DIAPH3: variants seen among roughly 807,000 people sequenced by gnomAD.
DIAPH3 encodes protein diaphanous homolog 3.
A neutral mutation model predicts 144.3 loss-of-function variants in DIAPH3; 117 were observed. The observed-to-expected ratio is 0.81, with a 90% CI of 0.70 to 0.95. DIAPH3 has a LOEUF of 0.95. DIAPH3 is among the 40% of genes least tolerant of loss of function. The pLI, the probability that DIAPH3 is intolerant of heterozygous loss-of-function variation, is 0.00. For missense variants in DIAPH3, 1,421 were observed against 1,412.7 expected (o/e 1.01, Z -0.09); for synonymous variants, 519 against 488.9 (o/e 1.06, Z -0.81).
intron 2 of DIAPH3, among the ~76,000 whole-genome samples, chr13:60,124,334 T>G (rs560095026): frequency 2.0e-5 from 3 of 152,322 alleles, no homozygotes; most frequent in Middle Eastern, 3.4e-3. Flanking sequence ...AGGCAGCAGT[T>G]GTTCTGAGAT....
chr13:59,921,274 C>CAA lies in DIAPH3; in HGVS notation c.2170+3499_2170+3500dup, dbSNP rs778984590. On this transcript the variant is annotated intron_variant, in intron 18 of 27. Transcript: ENST00000400324. ...AAATGAAATGGAGACCAGAAAATAC[C>CAA]AAAAAAAAAAAAGAAAGAAAAAACA... Among the ~76,000 whole-genome samples the CAA allele has an allele frequency of 4.5e-3, 536 of 119,028 alleles. 3 individuals are homozygous for CAA. Among genetic ancestry groups the CAA allele is most frequent in the African/African-American group, 0.015 (478 of 32,790 alleles). The allele number at this position is 119,028 out of a possible 152,430, so 78.1% of individuals were successfully genotyped here.
chr13:59,731,494 CA>C (rs1257779613), intron 27 of DIAPH3, among the ~76,000 whole-genome samples: 1 of 151,996 alleles, frequency 6.6e-6, no homozygotes, highest in Non-Finnish European at 1.5e-5. Flanking sequence ...AATAGCACAA[CA>C]AAAAAGAATG....
At chr13:59,950,914 C>A (rs951318300) in intron 17 of DIAPH3, among the ~76,000 whole-genome samples, 3 of 151,960 alleles carry the variant, frequency 2.0e-5, no homozygotes, top group Non-Finnish European at 4.4e-5. Flanking sequence ...AATTTAAATT[C>A]TACGATGAAA....
chr13:59,800,576 C>T (rs1456879273), intron 25 of DIAPH3, among the ~76,000 whole-genome samples: 4 of 152,154 alleles, frequency 2.6e-5, no homozygotes, highest in Non-Finnish European at 5.9e-5. Context: ...TGCTCAATCT[C>T]GGCAGATATC....
chr13:59,766,683 A>C (rs529806560), intron 27 of DIAPH3, among the ~76,000 whole-genome samples: 1 of 152,310 alleles, frequency 6.6e-6, no homozygotes, highest in South Asian at 2.1e-4. Flanking sequence ...AAGACAGTAA[A>C]GCCTTTGTCA....
At chr13:59,772,094 A>C (rs1444185738) in intron 27 of DIAPH3, among the ~76,000 whole-genome samples, 1 of 152,072 alleles carries the variant, frequency 6.6e-6, no homozygotes, top group Non-Finnish European at 1.5e-5. Flanking sequence ...CATTTCAATC[A>C]CATAGTTCAG....
At chr13:60,109,776 A>T (rs2058517466) in intron 3 of DIAPH3, among the ~76,000 whole-genome samples, 1 of 152,236 alleles carries the variant, frequency 6.6e-6, no homozygotes, top group Admixed American at 6.5e-5. Flanking sequence ...CTTGTTCAAA[A>T]AACACTACTT....
intron 25 of DIAPH3, among the ~76,000 whole-genome samples, chr13:59,775,531 T>C (rs1004214658): frequency 6.6e-6 from 1 of 152,208 alleles, no homozygotes; most frequent in Non-Finnish European, 1.5e-5. Context: ...CGTGAGCCAC[T>C]GCACACGGCC....
intron 2 of DIAPH3, among the ~76,000 whole-genome samples, chr13:60,121,857 A>T (rs2058853992): frequency 6.6e-6 from 1 of 152,170 alleles, no homozygotes; most frequent in Non-Finnish European, 1.5e-5. Flanking sequence ...ATAAAGACAT[A>T]AACCAAAGCA....
intron 24 of DIAPH3, among the ~76,000 whole-genome samples, chr13:59,829,735 T>A (rs550146692): frequency 6.6e-5 from 10 of 151,760 alleles, no homozygotes; most frequent in Non-Finnish European, 7.4e-5. Flanking sequence ...GAACAGAGAT[T>A]AGAGGGATGA....
chr13:59,949,317 C>A (rs953581191), intron 17 of DIAPH3, among the ~76,000 whole-genome samples: 1 of 152,094 alleles, frequency 6.6e-6, no homozygotes, highest in Non-Finnish European at 1.5e-5. Context: ...CAATGGCCTC[C>A]CATGAATTTT....
intron 20 of DIAPH3, among the ~76,000 whole-genome samples, chr13:59,897,345 A>G (rs2140154647): frequency 6.6e-6 from 1 of 152,376 alleles, no homozygotes; most frequent in African/African-American, 2.4e-5. Flanking sequence ...CACAAAGAGA[A>G]TAACTCTACG....
At position 60,130,265 on chromosome 13, in the gene DIAPH3, G is replaced by C. The variant is rs183004389; in HGVS notation, c.213+2692C>G. ...CCATGCTTATTCTCAAATCTCTACA[G>C]CAACAGATACAGATGCCTAAACTAG... is the stretch of plus-strand genomic sequence containing the variant. On this transcript the variant is annotated intron_variant, in intron 2 of 27. Transcript: ENST00000400324. Among the ~76,000 whole-genome samples, 38 of 152,270 alleles carry C rather than the reference G, an allele frequency of 2.5e-4. 1 individual carries two copies. Among genetic ancestry groups the C allele is most frequent in the Middle Eastern group, 3.4e-3 (1 of 294 alleles).
chr13:59,874,519 T>C (rs1183613950), intron 21 of DIAPH3, among the ~76,000 whole-genome samples: 1 of 152,156 alleles, frequency 6.6e-6, no homozygotes, highest in Admixed American at 6.6e-5. Context: ...TAATTTTGCC[T>C]GCCACCCCCT....
At chr13:60,111,613 T>A (rs2058569919) in intron 3 of DIAPH3, among the ~76,000 whole-genome samples, 1 of 152,172 alleles carries the variant, frequency 6.6e-6, no homozygotes, top group Non-Finnish European at 1.5e-5. Flanking sequence ...ATCTAACTAA[T>A]GCCTGATGAT....
chr13:59,774,960 T>C, intron 25 of DIAPH3, 137 bp from the exon 26 acceptor site: 3 of 720,920 alleles, frequency 4.2e-6, no homozygotes, highest in Non-Finnish European at 7.4e-6. Context: ...AATTTCAAAA[T>C]AGGACAGGAC....
intron 20 of DIAPH3, among the ~76,000 whole-genome samples, chr13:59,907,600 G>A (rs970577378): frequency 2.6e-5 from 4 of 152,192 alleles, no homozygotes; most frequent in South Asian, 2.1e-4. Context: ...GCCAACTTAC[G>A]ACCACATGTT....
In DIAPH3 at chr13:59,983,904, G is replaced by C; in HGVS notation, c.1362-17C>G. On this transcript the variant is annotated splice_polypyrimidine_tract_variant and intron_variant, in intron 12 of 27. Transcript: ENST00000400324. ...TATTGTTGCCTAAAACCAAAGAAAA[G>C]AGTAAATGTACAATTGATAATTAGT... is the stretch of plus-strand genomic sequence containing the variant. 10 of 1,494,546 alleles carry C rather than the reference G, an allele frequency of 6.7e-6. No individual in the cohort carries two copies. Among genetic ancestry groups the C allele is most frequent in the Non-Finnish European group, 9.3e-6 (10 of 1,073,266 alleles). The allele number at this position is 1,494,546 out of a possible 1,614,324, so 92.6% of individuals were successfully genotyped here.
chr13:59,883,544 C>T (rs188952861), intron 20 of DIAPH3, among the ~76,000 whole-genome samples: 95 of 152,204 alleles, frequency 6.2e-4, no homozygotes, highest in Middle Eastern at 6.8e-3. Context: ...TTACTGGCCT[C>T]GGTCTTAATT....
Sources: allele counts gnomAD v4.1 joint callset (sites outside exome capture counted in the v4.1 genomes callset), GRCh38; gene constraint gnomAD v4.1.1; transcripts MANE v1.5; gene names NCBI Gene and HGNC (gene_info 2026-07-23, HGNC 2026-07-21).